Variants in UBE2D2 observed in about 807,000 individuals in gnomAD.
The protein encoded by UBE2D2 is ubiquitin conjugating enzyme E2 D2.
In UBE2D2, 2 loss-of-function variants were observed where a neutral mutation model predicts 24.2. That is an observed-to-expected ratio of 0.08 (90% CI 0.03 to 0.26). The LOEUF is 0.26. UBE2D2 is among the 10% of genes least tolerant of loss of function. The pLI is 1.00. For synonymous variants in UBE2D2, 58 were observed against 56.5 expected (o/e 1.03, Z -0.12); for missense variants, 44 against 177.6 (o/e 0.25, Z 4.28).
intron 1 of UBE2D2, among the ~76,000 whole-genome samples, chr5:139,563,577 C>T (rs1235006135): frequency 1.3e-5 from 2 of 152,078 alleles, no homozygotes; most frequent in South Asian, 2.1e-4. Context: ...AGAAGCTTGT[C>T]CTCTTATTTT....
chr5:139,527,280 AC>A (rs1752552727), intron 1 of UBE2D2, among the ~76,000 whole-genome samples: 1 of 151,814 alleles, frequency 6.6e-6, no homozygotes, highest in Admixed American at 6.6e-5. Context: ...CTGGTTTTAG[AC>A]CCCCTTCCCC....
At chr5:139,547,914 C>G (rs1581484208) in intron 1 of UBE2D2, among the ~76,000 whole-genome samples, 1 of 151,820 alleles carries the variant, frequency 6.6e-6, no homozygotes, top group South Asian at 2.1e-4. Context: ...AGGCTGGTCT[C>G]GAACTCCCCA....
At chr5:139,581,981 T>G (rs564113955) in intron 1 of UBE2D2, among the ~76,000 whole-genome samples, 20 of 151,986 alleles carry the variant, frequency 1.3e-4, no homozygotes, top group Non-Finnish European at 2.2e-4. Context: ...TTTGGGGTTT[T>G]TTTTTGTTTT....
At chr5:139,621,553 A>C (rs2126708150) in intron 5 of UBE2D2, among the ~76,000 whole-genome samples, 1 of 152,274 alleles carries the variant, frequency 6.6e-6, no homozygotes, top group African/African-American at 2.4e-5. Context: ...GGTGCCTGCC[A>C]CTGGAAAACA....
chr5:139,539,191 A>G (rs928959773), intron 1 of UBE2D2, among the ~76,000 whole-genome samples: 3 of 151,678 alleles, frequency 2.0e-5, no homozygotes, highest in African/African-American at 4.8e-5. Context: ...CGACCAGCTA[A>G]TTTTTGTATT....
At chr5:139,626,711 T>C (rs771292337) in intron 6 of UBE2D2, 45 bp from the exon 7 acceptor site, 2 of 1,527,924 alleles carry the variant, frequency 1.3e-6, no homozygotes, top group Admixed American at 1.7e-5. Context: ...TGTTGCTTAC[T>C]GACTCCACAC....
At chr5:139,536,931 G>A (rs1752688494) in intron 1 of UBE2D2, among the ~76,000 whole-genome samples, 1 of 152,154 alleles carries the variant, frequency 6.6e-6, no homozygotes, top group Non-Finnish European at 1.5e-5. Context: ...TGTAATCCCA[G>A]CACTTTGGGA....
chr5:139,548,552 T>A (rs1752867600), intron 1 of UBE2D2, among the ~76,000 whole-genome samples: 2 of 152,148 alleles, frequency 1.3e-5, no homozygotes, highest in African/African-American at 4.8e-5. Context: ...ATTTCCCTCA[T>A]GGGCAAAAGG....
chr5:139,626,720 A>G (rs774952527), intron 6 of UBE2D2, 36 bp from the exon 7 acceptor site: 1 of 1,591,324 alleles, frequency 6.3e-7, no homozygotes, highest in East Asian at 2.2e-5. Context: ...CTGACTCCAC[A>G]CCTATGTTAA....
intron 2 of UBE2D2, among the ~76,000 whole-genome samples, chr5:139,605,936 T>C (rs1169910544): frequency 1.3e-5 from 2 of 151,552 alleles, no homozygotes; most frequent in Non-Finnish European, 2.9e-5. Context: ...AGCAATAGGG[T>C]CTCACCATGT....
rs1490840565 is a variant in UBE2D2 at position 139,535,697 on chromosome 5, G to A, written c.-64+9085G>A. Reference sequence around the variant, plus strand: ...TATGGAAGGCTATGCCCCTATCAAAGAGCATGAGGCAGGTTTCCATGTATT... The same window carrying A: ...TATGGAAGGCTATGCCCCTATCAAAAAGCATGAGGCAGGTTTCCATGTATT... On this transcript the variant is annotated intron_variant, in intron 1 of 6. Coordinates refer to the UBE2D2 transcript ENST00000511725. Among the ~76,000 whole-genome samples, 7 of 152,174 alleles carry A rather than the reference G, an allele frequency of 4.6e-5. No homozygotes were observed. In the East Asian group the frequency reaches 1.3e-3, roughly 29 times the overall value.
chr5:139,541,429 G>A (rs1419409539), intron 1 of UBE2D2, among the ~76,000 whole-genome samples: 3 of 151,042 alleles, frequency 2.0e-5, no homozygotes, highest in African/African-American at 4.9e-5. Context: ...GTGAAACCTC[G>A]TCTCTACTAA....
intron 1 of UBE2D2, among the ~76,000 whole-genome samples, chr5:139,593,224 G>C (rs1753883582): frequency 2.0e-5 from 3 of 151,600 alleles, no homozygotes; most frequent in Non-Finnish European, 4.4e-5. Flanking sequence ...TCTATCTCTT[G>C]ACCTTGTGAT....
Position 139,561,758 on chromosome 5 carries a change from C to T in UBE2D2, c.-34C>T. 6.7e-7 allele frequency: 1 copy of T among 1,488,494 alleles called. No individual in the cohort carries two copies. The highest frequency in any genetic ancestry group is 8.9e-7 in the Non-Finnish European group (1 of 1,125,922). The allele number at this position is 1,488,494 out of a possible 1,614,324, so 92.2% of individuals were successfully genotyped here. A position where few individuals can be genotyped will look rare whatever the true frequency, so the allele number is the denominator to read the frequency against. On this transcript the variant is annotated 5_prime_UTR_variant, in exon 1 of 7. Coordinates refer to ENST00000398733, the MANE Select transcript of UBE2D2 (RefSeq NM_003339.3). ...CCCCGTCCCTTCCCCGCCCCCGTCC[C>T]CGCCCCGGGGGCCGCCGCCACCCGC...
At chr5:139,623,837 G>A (rs944385633) in intron 6 of UBE2D2, among the ~76,000 whole-genome samples, 2 of 152,136 alleles carry the variant, frequency 1.3e-5, no homozygotes, top group African/African-American at 2.4e-5. Context: ...GATTACAGGC[G>A]CAGGCCACCA....
At chr5:139,550,754 TACTC>T (rs1296654836) in intron 1 of UBE2D2, among the ~76,000 whole-genome samples, 3 of 149,638 alleles carry the variant, frequency 2.0e-5, no homozygotes, top group Non-Finnish European at 4.4e-5. Flanking sequence ...AGAGGTGTAA[TACTC>T]ACTGTGAAAG....
At chr5:139,608,369 G>A (rs1410771107) in intron 2 of UBE2D2, among the ~76,000 whole-genome samples, 1 of 152,072 alleles carries the variant, frequency 6.6e-6, no homozygotes, top group Non-Finnish European at 1.5e-5. Context: ...GGAGGCAGAG[G>A]TTACAGTGAG....
At chr5:139,621,560 A>G (rs1754514079) in intron 5 of UBE2D2, among the ~76,000 whole-genome samples, 1 of 152,218 alleles carries the variant, frequency 6.6e-6, no homozygotes, top group Admixed American at 6.5e-5. Context: ...GCCACTGGAA[A>G]ACAGTGATTG....
chr5:139,558,386 C>CA (rs2126643310), upstream of UBE2D2, among the ~76,000 whole-genome samples: 1 of 152,250 alleles, frequency 6.6e-6, no homozygotes, highest in South Asian at 2.1e-4. Context: ...TTCCCGGGTT[C>CA]ACGCCATTCT....
Sources: allele counts gnomAD v4.1 joint callset (sites outside exome capture counted in the v4.1 genomes callset), GRCh38; gene constraint gnomAD v4.1.1; transcripts MANE v1.5; gene names NCBI Gene and HGNC (gene_info 2026-07-23, HGNC 2026-07-21).